ZNF804B: variants seen among roughly 807,000 people sequenced by gnomAD.
ZNF804B encodes the protein zinc finger 804B.
Under a neutral mutation model 101.4 loss-of-function variants are expected in ZNF804B, and 80 were observed. That is an observed-to-expected ratio of 0.79 (90% CI 0.66 to 0.95). The LOEUF (loss-of-function observed/expected upper bound fraction) is 0.95, where lower values mean the gene tolerates loss of function less well. Ranked by LOEUF, ZNF804B falls within the 40% of genes least tolerant of loss-of-function variation. The pLI is 0.00. For missense variants in ZNF804B, 1,673 were observed against 1,561.9 expected (o/e 1.07, Z -1.20); for synonymous variants, 622 against 558.8 (o/e 1.11, Z -1.59).
chr7:89,142,743 A>G (rs1790734899), intron 1 of ZNF804B, among the ~76,000 whole-genome samples: 1 of 151,912 alleles, frequency 6.6e-6, no homozygotes. Context: ...GATGTTGGCT[A>G]TTTTTTTGTG....
At chr7:89,159,989 A>G (rs1397912129) in intron 1 of ZNF804B, among the ~76,000 whole-genome samples, 1 of 152,170 alleles carries the variant, frequency 6.6e-6, no homozygotes, top group Non-Finnish European at 1.5e-5. Flanking sequence ...GAGCGATGAT[A>G]TAAGAACATT....
At chr7:89,267,215 G>A (rs899173129) in intron 2 of ZNF804B, among the ~76,000 whole-genome samples, 1 of 151,850 alleles carries the variant, frequency 6.6e-6, no homozygotes, top group Non-Finnish European at 1.5e-5. Context: ...TTCTTTCCAA[G>A]GCTATATTTC....
intron 1 of ZNF804B, among the ~76,000 whole-genome samples, chr7:88,784,499 C>T (rs1432474921): frequency 6.6e-6 from 1 of 152,128 alleles, no homozygotes; most frequent in East Asian, 1.9e-4. Flanking sequence ...CATTGAATCT[C>T]ACATGAAAGG....
intron 1 of ZNF804B, among the ~76,000 whole-genome samples, chr7:89,016,499 T>G (rs569715010): frequency 0.023 from 3,416 of 151,578 alleles, 133 homozygotes; most frequent in African/African-American, 0.079. Flanking sequence ...TAATCCATCT[T>G]GAATTAATTT....
At chr7:88,853,797 A>T (rs1791480684) in intron 1 of ZNF804B, among the ~76,000 whole-genome samples, 1 of 152,112 alleles carries the variant, frequency 6.6e-6, no homozygotes, top group African/African-American at 2.4e-5. Context: ...GTATGCACAG[A>T]ACCATAGATA....
intron 1 of ZNF804B, among the ~76,000 whole-genome samples, chr7:89,143,924 T>G (rs1276332186): frequency 6.6e-6 from 1 of 152,058 alleles, no homozygotes; most frequent in Non-Finnish European, 1.5e-5. Flanking sequence ...GGCAATAGCC[T>G]TAAATTAATG....
At chr7:89,075,589 C>G (rs1400763988) in intron 1 of ZNF804B, among the ~76,000 whole-genome samples, 2 of 152,202 alleles carry the variant, frequency 1.3e-5, no homozygotes, top group African/African-American at 4.8e-5. Context: ...GTGGAGCTCT[C>G]ATAGAGAACA....
At chr7:89,297,689 T>C (rs1790405045) in intron 2 of ZNF804B, among the ~76,000 whole-genome samples, 2 of 152,022 alleles carry the variant, frequency 1.3e-5, no homozygotes, top group Non-Finnish European at 2.9e-5. Context: ...ATTCACCAGT[T>C]ATTTATATTT....
At chr7:89,006,074 ATATATATCATG>A (rs922161992) in intron 1 of ZNF804B, among the ~76,000 whole-genome samples, 1 of 152,128 alleles carries the variant, frequency 6.6e-6, no homozygotes, top group African/African-American at 2.4e-5. Context: ...TTATGGGAAT[ATATATATCATG>A]CAACAGTATA....
intron 1 of ZNF804B, among the ~76,000 whole-genome samples, chr7:88,943,214 A>G (rs1048744320): frequency 6.6e-6 from 1 of 151,890 alleles, no homozygotes; most frequent in African/African-American, 2.4e-5. Context: ...GTATTTCTCT[A>G]TTTTATGTAT....
At chr7:89,203,940 G>A (rs993190824) in intron 1 of ZNF804B, among the ~76,000 whole-genome samples, 2 of 152,200 alleles carry the variant, frequency 1.3e-5, no homozygotes, top group Admixed American at 6.5e-5. Flanking sequence ...AAGTTCAGAG[G>A]AGGAAATCTT....
chr7:89,178,013 A>G (rs1272623541), intron 1 of ZNF804B, among the ~76,000 whole-genome samples: 1 of 151,328 alleles, frequency 6.6e-6, no homozygotes, highest in East Asian at 1.9e-4. Context: ...TGACCCCTTT[A>G]TCAATATTTA....
intron 1 of ZNF804B, among the ~76,000 whole-genome samples, chr7:89,095,889 C>T (rs751484940): frequency 4.6e-5 from 7 of 152,128 alleles, no homozygotes; most frequent in Non-Finnish European, 8.8e-5. Flanking sequence ...AATCAACTCA[C>T]GCCTGTAATC....
At chr7:89,178,949 G>C (rs903238239) in intron 1 of ZNF804B, among the ~76,000 whole-genome samples, 2 of 152,024 alleles carry the variant, frequency 1.3e-5, no homozygotes, top group Non-Finnish European at 2.9e-5. Flanking sequence ...TTGATTCTAA[G>C]AGAAAATATT....
chr7:88,935,656 A>G (rs565130204), intron 1 of ZNF804B, among the ~76,000 whole-genome samples: 3 of 152,000 alleles, frequency 2.0e-5, no homozygotes, highest in Non-Finnish European at 4.4e-5. Flanking sequence ...AAAATACTCA[A>G]TGTCCAAGAT....
intron 1 of ZNF804B, among the ~76,000 whole-genome samples, chr7:89,147,751 C>G (rs1347480390): frequency 6.6e-6 from 1 of 151,810 alleles, no homozygotes; most frequent in Non-Finnish European, 1.5e-5. Flanking sequence ...AGAACGAACC[C>G]TATTGTGAAC....
chr7:88,840,331 A>C (rs1171242312), intron 1 of ZNF804B, among the ~76,000 whole-genome samples: 1 of 152,030 alleles, frequency 6.6e-6, no homozygotes, highest in African/African-American at 2.4e-5. Flanking sequence ...ATTATTTCCT[A>C]TTACCGGGTC....
In ZNF804B at chr7:89,249,051, A is replaced by G. The variant is rs564470951; in HGVS notation, c.249+30756A>G. ...CAGTAAAAAAAAAAAAAAAAGGACAAAGAAGGGCATTACATAATAAAGTGT... is the reference window on the plus strand; with the variant it reads ...CAGTAAAAAAAAAAAAAAAAGGACAGAGAAGGGCATTACATAATAAAGTGT... On this transcript the variant is annotated intron_variant, in intron 2 of 3. Transcript: ENST00000333190. Among the ~76,000 whole-genome samples the G allele has an allele frequency of 1.2e-3, 182 of 151,440 alleles. 1 individual carries two copies. Among genetic ancestry groups the G allele is most frequent in the African/African-American group, 4.1e-3 (169 of 41,396 alleles).
chr7:89,152,654 T>C (rs1294771510), intron 1 of ZNF804B, among the ~76,000 whole-genome samples: 1 of 152,160 alleles, frequency 6.6e-6, no homozygotes, highest in Non-Finnish European at 1.5e-5. Context: ...TACATGGTTT[T>C]ATCAGCAAAG....
Sources: gnomAD v4.1 joint callset for allele counts (sites outside exome capture counted in the v4.1 genomes callset) on GRCh38, gnomAD v4.1.1 for gene constraint, MANE v1.5 for transcripts, NCBI Gene and HGNC (gene_info 2026-07-23, HGNC 2026-07-21) for gene names.